Variants in PCID2 observed in about 807,000 individuals in gnomAD.
The protein encoded by PCID2 is PCI domain containing 2.
PCID2 carries 41 observed loss-of-function variants against 61.3 expected under a neutral mutation model. That is an observed-to-expected ratio of 0.67 (90% CI 0.52 to 0.87). The LOEUF (loss-of-function observed/expected upper bound fraction) is 0.87, where lower values mean the gene tolerates loss of function less well. Ranked by LOEUF, PCID2 falls within the 40% of genes least tolerant of loss-of-function variation. The pLI, the probability that PCID2 is intolerant of heterozygous loss-of-function variation, is 0.00. For missense variants in PCID2, 392 were observed against 493.4 expected, an observed-to-expected ratio of 0.79 and a Z score of 1.95; for synonymous variants, 187 against 177.8, an observed-to-expected ratio of 1.05 and a Z score of -0.41.
the PCID2 span, chr13:113,170,391 T>C: frequency 7.1e-7 from 1 of 1,404,808 alleles, no homozygotes; most frequent in Non-Finnish European, 1.0e-6. Context: ...CAGCTATTTA[T>C]TGTCTGTTTT....
the PCID2 span, chr13:113,172,151 T>C: frequency 6.2e-7 from 1 of 1,602,902 alleles, no homozygotes; most frequent in African/African-American, 1.3e-5. Flanking sequence ...GGAAGCGGGA[T>C]TCCAAGCTGG....
At chr13:113,183,690 G>C (rs2037844923) in intron 9 of PCID2, 1 of 851,972 alleles carries the variant, frequency 1.2e-6, no homozygotes, top group Admixed American at 6.2e-5. Flanking sequence ...TTTAAAGTCT[G>C]GTTTGAGCAC....
chr13:113,178,961 C>T lies in PCID2; in HGVS notation c.1110+5G>A. ...CTGCTTAAATTAAAACCAGGACTCA[C>T]ACACCATGTATATCAAGTTAGCCAG... On this transcript the variant is annotated splice_donor_5th_base_variant and intron_variant, in intron 13 of 13. Coordinates refer to ENST00000337344, the MANE Select transcript of PCID2 (RefSeq NM_001127202.4). The T allele has an allele frequency of 6.2e-7, 1 of 1,610,560 alleles. No homozygotes were observed.
chr13:113,191,069 T>C, intron 6 of PCID2, 94 bp from the exon 7 acceptor site: 1 of 767,134 alleles, frequency 1.3e-6, no homozygotes, highest in Non-Finnish European at 2.1e-6. Flanking sequence ...CACACCTCAC[T>C]GCAGCCTCAA....
chr13:113,171,542 T>G, the PCID2 span: 6 of 1,612,090 alleles, frequency 3.7e-6, no homozygotes, highest in South Asian at 5.5e-5. The surrounding 1 kb of genome is among the most constrained non-coding windows in gnomAD (Gnocchi z 5.1). Context: ...TTGAGCATTA[T>G]GTCCCCTTGA....
intron 13 of PCID2, 101 bp downstream of exon 13, chr13:113,178,865 A>G (rs2037353432): frequency 8.4e-7 from 1 of 1,188,030 alleles, no homozygotes; most frequent in African/African-American, 1.5e-5. Context: ...AAAAAAGCAG[A>G]AGGCCTTTTA....
intron 13 of PCID2, 77 bp downstream of exon 13, chr13:113,178,889 C>T: frequency 6.9e-7 from 1 of 1,455,456 alleles, no homozygotes; most frequent in Non-Finnish European, 9.3e-7. Context: ...ATTTTAACAC[C>T]ACCACACTGA....
At chr13:113,205,116 G>A (rs1314691053) in intron 1 of PCID2, among the ~76,000 whole-genome samples, 1 of 152,210 alleles carries the variant, frequency 6.6e-6, no homozygotes, top group Non-Finnish European at 1.5e-5. Flanking sequence ...AGTCACTTCT[G>A]AATAGTCAAA....
At chr13:113,171,619 G>A in the PCID2 span, 123 of 1,614,030 alleles carry the variant, frequency 7.6e-5, no homozygotes, top group Non-Finnish European at 9.9e-5. The surrounding 1 kb of genome is among the most constrained non-coding windows in gnomAD (Gnocchi z 5.1). Flanking sequence ...GCCAAGACCC[G>A]CTGATGATCA....
intron 7 of PCID2, chr13:113,186,929 A>T (rs2038166971): frequency 2.6e-5 from 4 of 152,232 alleles, no homozygotes; most frequent in Admixed American, 2.6e-4. Context: ...ACATAAAATT[A>T]CTCTTAAAGA....
Position 113,200,501 on chromosome 13 carries a change from C to T in PCID2, c.52G>A (p.Asp18Asn), listed in dbSNP as rs766801722. 3 of 1,611,236 alleles carry T rather than the reference C, an allele frequency of 1.9e-6. No homozygotes were observed. Among genetic ancestry groups the T allele is most frequent in the East Asian group, 4.5e-5 (2 of 44,866 alleles). Residue 18 changes from aspartate (D) to asparagine (N), a missense_variant, in exon 2 of 14, where the codon GAC (aspartate) becomes AAC (asparagine). This residue lies in a region of PCID2 where 155 missense variants were observed against 164.9 expected (regional missense o/e 0.94). Transcript: ENST00000337344. The part of the protein sequence containing the change: ...QYLQQVYEAI[D>N]SRDGASCAEL... ...GCACAAGATGCTCCATCTCTGCTGTCGATGGCTTCGTACACCTGAAACATT... is the reference window on the plus strand; with the variant it reads ...GCACAAGATGCTCCATCTCTGCTGTTGATGGCTTCGTACACCTGAAACATT...
At chr13:113,176,589 GCTGTCTCTAC>G (rs2037195055), downstream of PCID2, among the ~76,000 whole-genome samples, 10 of 53,720 alleles carry the variant, frequency 1.9e-4, no homozygotes, top group Admixed American at 6.9e-4. Context: ...TTAGCAAGAC[GCTGTCTCTAC>G]AAAAAATAAA....
At chr13:113,200,675 G>A (rs1402191758) in intron 1 of PCID2, 159 bp from the exon 2 acceptor site, 3 of 498,596 alleles carry the variant, frequency 6.0e-6, no homozygotes, top group Admixed American at 7.4e-5. Flanking sequence ...ACTACTCTCT[G>A]CAGTGGGTAA....
intron 6 of PCID2, among the ~76,000 whole-genome samples, chr13:113,192,940 C>T (rs1465339951): frequency 6.6e-6 from 1 of 152,132 alleles, no homozygotes; most frequent in East Asian, 1.9e-4. Context: ...CTTGCCCCAT[C>T]TACCATGTGC....
rs1316408437 is a variant in PCID2, at chr13:113,208,663, C to T, written c.-29G>A. On this transcript the variant is annotated 5_prime_UTR_variant, in exon 1 of 14. Transcript: ENST00000337344. ...AGCGCCGCCGAACGGAGAGCGCCAC[C>T]CCCTACGCCTCAAGCGGGCCAGCTG... 4.4e-6 allele frequency: 7 copies of T among 1,599,396 alleles called. No homozygotes were observed. Among genetic ancestry groups the T allele is most frequent in the African/African-American group, 1.3e-5 (1 of 74,236 alleles).
chr13:113,191,338 C>T (rs1346341029), intron 6 of PCID2, among the ~76,000 whole-genome samples: 1 of 151,992 alleles, frequency 6.6e-6, no homozygotes, highest in Non-Finnish European at 1.5e-5. Flanking sequence ...CCAGCCAAAA[C>T]ATTTATTTCT....
chr13:113,170,286 T>A, the PCID2 span: 6 of 626,888 alleles, frequency 9.6e-6, no homozygotes, highest in Non-Finnish European at 1.7e-5. Context: ...CAAATACGGC[T>A]GTCTGCCTTT....
chr13:113,198,364 T>G, intron 2 of PCID2, 100 bp from the exon 3 acceptor site: 1 of 745,414 alleles, frequency 1.3e-6, no homozygotes, highest in East Asian at 2.5e-5. Context: ...AGAGAATTTA[T>G]GCTTTACAGT....
At position 113,185,542 on chromosome 13, in the gene PCID2, G is replaced by T. The variant is rs2038033126; in HGVS notation, c.486C>A (p.Asp162Glu). 1.2e-6 allele frequency: 2 copies of T among 1,611,054 alleles called. No individual in the cohort carries two copies. The highest frequency in any genetic ancestry group is 1.7e-6 in the Non-Finnish European group (2 of 1,177,274). ...GAAACAGCATGCCCCACTTCTTAGAGTCCTCTATACCAGCACGGCTATGGG... is the reference window on the plus strand; with the variant it reads ...GAAACAGCATGCCCCACTTCTTAGATTCCTCTATACCAGCACGGCTATGGG... Reference protein sequence around the residue: ...CASDTRAGIEDSKKWGMLFLV... With the variant: ...CASDTRAGIEESKKWGMLFLV... Residue 162 changes from aspartate (D) to glutamate (E), a missense_variant, in exon 8 of 14, where the codon GAC (aspartate) becomes GAA (glutamate). Physicochemically the swap from Asp to Glu is conservative, Grantham distance 45. Around this residue, in one of 3 missense-constraint regions of PCID2, gnomAD observed 226 missense variants for 296.5 expected, o/e 0.76. Coordinates refer to ENST00000337344, the MANE Select transcript of PCID2 (RefSeq NM_001127202.4).
Sources: allele counts gnomAD v4.1 joint callset (sites outside exome capture counted in the v4.1 genomes callset), GRCh38; gene constraint gnomAD v4.1.1; regional missense constraint gnomAD v4.1.1; non-coding constraint Gnocchi (gnomAD v3.1); transcripts MANE v1.5; gene names NCBI Gene and HGNC (gene_info 2026-07-23, HGNC 2026-07-21).